SCGB2A2: variants seen among roughly 807,000 people sequenced by gnomAD.
SCGB2A2 encodes mammaglobin-A.
A neutral mutation model predicts 8.8 loss-of-function variants in SCGB2A2; 11 were observed. That is an observed-to-expected ratio of 1.25 (90% CI 0.79 to 2.07). The LOEUF (loss-of-function observed/expected upper bound fraction) is 2.07. Among genes scored for constraint, SCGB2A2 ranks in the 30% most tolerant of loss-of-function variants. The pLI, the probability that SCGB2A2 is intolerant of heterozygous loss-of-function variation, is 0.00. For synonymous variants in SCGB2A2, 42 were observed against 40.9 expected, an observed-to-expected ratio of 1.03 and a Z score of -0.10; for missense variants, 113 against 109.9, an observed-to-expected ratio of 1.03 and a Z score of -0.13.
intron 1 of SCGB2A2, 41 bp downstream of exon 1, chr11:62,270,312 T>C: frequency 6.3e-7 from 1 of 1,591,744 alleles, no homozygotes; most frequent in Admixed American, 1.7e-5. Flanking sequence ...GGTTAGGGGT[T>C]GTCACTTGGG....
At chr11:62,272,918 G>A in intron 2 of SCGB2A2, 39 bp from the exon 3 acceptor site, 1 of 1,473,130 alleles carries the variant, frequency 6.8e-7, no homozygotes, top group East Asian at 2.3e-5. Context: ...GTTAGAGAGT[G>A]CAGAAAATCT....
At position 62,273,026 on chromosome 11, in the gene SCGB2A2, G is replaced by C; in HGVS notation, c.*31G>C. On this transcript the variant is annotated 3_prime_UTR_variant, in exon 3 of 3. Transcript: ENST00000227918. The stretch of plus-strand genomic sequence containing the variant: ...TGCAAGACCTTTGGCTCACAGAACT[G>C]CAGGGTATGGTGAGAAACCAACTAC... 6.3e-7 allele frequency: 1 copy of C among 1,576,616 alleles called. No individual in the cohort carries two copies. Among genetic ancestry groups the C allele is most frequent in the Non-Finnish European group, 8.7e-7 (1 of 1,153,616 alleles).
intron 1 of SCGB2A2, 122 bp downstream of exon 1, chr11:62,270,393 ACAGATCTCAC>A: frequency 1.1e-6 from 1 of 893,538 alleles, no homozygotes; most frequent in Non-Finnish European, 1.8e-6. Flanking sequence ...TGTAGGTATA[ACAGATCTCAC>A]CATGTTGCCC....
Position 62,271,063 on chromosome 11 carries a change from T to C in SCGB2A2, c.238T>C (p.Phe80Leu). Residue 80 changes from phenylalanine to leucine, a missense_variant, in exon 2 of 3, where the codon TTT becomes CTT. By Grantham distance (22) the Phe-to-Leu change is conservative. Transcript: ENST00000227918. ...TDETLSNVEV[F>L]MQLIYDSSLC... ...TGAAACTCTGAGCAATGTTGAGGTGTTTATGGTAATTTCATTTTCTTCCTA... is the reference window on the plus strand; with the variant it reads ...TGAAACTCTGAGCAATGTTGAGGTGCTTATGGTAATTTCATTTTCTTCCTA... The C allele has an allele frequency of 1.2e-6, 2 of 1,614,208 alleles. No homozygotes were observed.
At position 62,272,259 on chromosome 11, in the gene SCGB2A2, A is replaced by G. The variant is rs1945285672; in HGVS notation, c.244-698A>G. Among the ~76,000 whole-genome samples the G allele has an allele frequency of 2.6e-5, 4 of 152,006 alleles. No homozygotes were observed. In the South Asian group the frequency reaches 8.3e-4, roughly 32 times the overall value. On this transcript the variant is annotated intron_variant, in intron 2 of 2. Coordinates refer to ENST00000227918, the MANE Select transcript of SCGB2A2 (RefSeq NM_002411.4). ...GGAGCCAGACTCAGAGACAGTGAAA[A>G]AAAAAAAAACAGTGGTTGTCAGGGC...
chr11:62,273,033 A>G lies in SCGB2A2; in HGVS notation c.*38A>G. The G allele has an allele frequency of 1.3e-6, 2 of 1,542,088 alleles. No individual in the cohort carries two copies. The highest frequency in any genetic ancestry group is 8.9e-7 in the Non-Finnish European group (1 of 1,126,876). ...CCTTTGGCTCACAGAACTGCAGGGT[A>G]TGGTGAGAAACCAACTACGGATTGC... is the stretch of plus-strand genomic sequence containing the variant. On this transcript the variant is annotated 3_prime_UTR_variant, in exon 3 of 3. Coordinates refer to ENST00000227918, the MANE Select transcript of SCGB2A2 (RefSeq NM_002411.4).
chr11:62,270,992 C>T lies in SCGB2A2; in HGVS notation c.167C>T (p.Thr56Ile). The change falls in exon 2 of 3, where the codon ACA (threonine) becomes ATA (isoleucine). Residue 56 changes from threonine (T) to isoleucine (I), a missense_variant. Physicochemically the swap from Thr to Ile is moderately conservative, Grantham distance 89. Transcript: ENST00000227918. ...GAGTTCATAGACGACAATGCCACTA[C>T]AAATGCCATAGATGAATTGAAGGAA... ...LQEFIDDNAT[T>I]NAIDELKECF... is the part of the protein sequence containing the mutation. 1.9e-6 allele frequency: 3 copies of T among 1,614,094 alleles called. No homozygotes were observed. The highest frequency in any genetic ancestry group is 2.5e-6 in the Non-Finnish European group (3 of 1,179,924).
At position 62,270,805 on chromosome 11, in the gene SCGB2A2, T is replaced by C. The variant is rs748062366; in HGVS notation, c.56-76T>C. 7.3e-4 allele frequency: 767 copies of C among 1,049,462 alleles called. 1 individual carries two copies. The highest frequency in any genetic ancestry group is 1.9e-3 in the Middle Eastern group (9 of 4,744). The allele number at this position is 1,049,462 out of a possible 1,614,324, so 65.0% of individuals were successfully genotyped here. A position where few individuals can be genotyped will look rare whatever the true frequency, so the allele number is the denominator to read the frequency against. On this transcript the variant is annotated intron_variant, in intron 1 of 2. Transcript: ENST00000227918. ...TATATTCTCTTGGGCTGTAAGAAGA[T>C]GAGGAATGTAATAGGTCTGCCCCAA...
rs781006410 is a variant in SCGB2A2 at position 62,270,176 on chromosome 11, C to T, written c.-41C>T. The T allele has an allele frequency of 3.1e-6, 5 of 1,609,298 alleles. No homozygotes were observed. Among genetic ancestry groups the T allele is most frequent in the Non-Finnish European group, 4.3e-6 (5 of 1,175,940 alleles). On this transcript the variant is annotated 5_prime_UTR_variant, in exon 1 of 3. Coordinates refer to ENST00000227918, the MANE Select transcript of SCGB2A2 (RefSeq NM_002411.4). ...CACCTCCACAGCGGCTTCCTTGATC[C>T]TTGCCACCCGCGACTGAACACCGAC...
rs372740702 is a variant in SCGB2A2 at position 62,270,201 on chromosome 11, C to T, written c.-16C>T. 2 of 1,613,682 alleles carry T rather than the reference C, an allele frequency of 1.2e-6. No homozygotes were observed. Among genetic ancestry groups the T allele is most frequent in the African/African-American group, 1.3e-5 (1 of 74,928 alleles). On this transcript the variant is annotated 5_prime_UTR_variant, in exon 1 of 3. Coordinates refer to ENST00000227918, the MANE Select transcript of SCGB2A2 (RefSeq NM_002411.4). ...CTTGCCACCCGCGACTGAACACCGA[C>T]AGCAGCAGCCTCACCATGAAGTTGC... is the stretch of plus-strand genomic sequence containing the variant.
Position 62,270,271 on chromosome 11 carries a change from G to A in SCGB2A2, c.55G>A (p.Gly19Ser), listed in dbSNP as rs971717226. 26 of 1,613,864 alleles carry A rather than the reference G, an allele frequency of 1.6e-5. No homozygotes were observed. Among genetic ancestry groups the A allele is most frequent in the Non-Finnish European group, 2.0e-5 (24 of 1,179,902 alleles). The change falls in exon 1 of 3, where the codon GGC becomes AGC. Residue 19 changes from glycine (G) to serine (S), a missense_variant and splice_region_variant. Gly to Ser is a moderately conservative substitution (Grantham distance 56, BLOSUM62 0). Coordinates refer to ENST00000227918, the MANE Select transcript of SCGB2A2 (RefSeq NM_002411.4). ...LAALSQHCYA[G>S]SGCPLLENVI... is the part of the protein sequence containing the mutation. ...GGCCCTCTCCCAGCACTGCTACGCA[G>A]GTGAGTTCTGTGCAGGGAGGGCTGC...
chr11:62,271,626 CA>C (rs746241507), intron 2 of SCGB2A2: 32 of 1,012,292 alleles, frequency 3.2e-5, no homozygotes, highest in Admixed American at 1.0e-4. Flanking sequence ...CACACACATA[CA>C]AACATATGTT....
intron 1 of SCGB2A2, 57 bp from the exon 2 acceptor site, chr11:62,270,824 G>T: frequency 1.5e-6 from 2 of 1,357,120 alleles, no homozygotes; most frequent in Middle Eastern, 1.8e-4. Context: ...TAATAGGTCT[G>T]CCCCAAGCCT....
At position 62,270,932 on chromosome 11, in the gene SCGB2A2, A is replaced by G. The variant is rs1227323790; in HGVS notation, c.107A>G (p.Gln36Arg). 4 of 1,614,164 alleles carry G rather than the reference A, an allele frequency of 2.5e-6. No homozygotes were observed. The highest frequency in any genetic ancestry group is 3.4e-6 in the Non-Finnish European group (4 of 1,180,010). ...GTGATTTCCAAGACAATCAATCCAC[A>G]AGTGTCTAAGACTGAATACAAAGAA... ...ENVISKTINP[Q>R]VSKTEYKELL... Residue 36 changes from glutamine to arginine, a missense_variant, in exon 2 of 3, where the codon CAA becomes CGA. Physicochemically the swap from Gln to Arg is conservative, Grantham distance 43. Coordinates refer to ENST00000227918, the MANE Select transcript of SCGB2A2 (RefSeq NM_002411.4).
At chr11:62,270,367 G>T in intron 1 of SCGB2A2, 96 bp downstream of exon 1, 1 of 1,159,740 alleles carries the variant, frequency 8.6e-7, no homozygotes, top group South Asian at 1.2e-5. Flanking sequence ...GCAGAGATCA[G>T]CCCCAGTACA....
rs201000878 is a variant in SCGB2A2 at position 62,271,034 on chromosome 11, C to T, written c.209C>T (p.Thr70Met). 1.2e-4 allele frequency: 192 copies of T among 1,614,166 alleles called. 1 individual carries two copies. Among genetic ancestry groups the T allele is most frequent in the South Asian group, 1.1e-3 (97 of 91,078 alleles). Residue 70 changes from threonine to methionine, a missense_variant, in exon 2 of 3, where the codon ACG becomes ATG. Coordinates refer to ENST00000227918, the MANE Select transcript of SCGB2A2 (RefSeq NM_002411.4). ...TTGAAGGAATGTTTTCTTAACCAAA[C>T]GGATGAAACTCTGAGCAATGTTGAG... Reference protein sequence around the residue: ...DELKECFLNQTDETLSNVEVF... With the variant: ...DELKECFLNQMDETLSNVEVF...
At chr11:62,272,042 TAAAAAAA>T (rs71053028) in intron 2 of SCGB2A2, 38 of 215,018 alleles carry the variant, frequency 1.8e-4, no homozygotes, top group Middle Eastern at 2.4e-3. Context: ...CCTTCCCTGG[TAAAAAAA>T]AAAAAAAAAA....
chr11:62,273,045 CAACTACGGATTGCTGCA>C lies in SCGB2A2; in HGVS notation c.*54_*70del. On this transcript the variant is annotated 3_prime_UTR_variant, in exon 3 of 3. Coordinates refer to ENST00000227918, the MANE Select transcript of SCGB2A2 (RefSeq NM_002411.4). ...AGAACTGCAGGGTATGGTGAGAAACCAACTACGGATTGCTGCAAACCACACCTTCTCTTTCTTATGTC... is the reference window on the plus strand; with the variant it reads ...AGAACTGCAGGGTATGGTGAGAAACCAACCACACCTTCTCTTTCTTATGTC... 7.2e-7 allele frequency: 1 copy of C among 1,396,770 alleles called. No individual in the cohort carries two copies. Among genetic ancestry groups the C allele is most frequent in the Non-Finnish European group, 1.0e-6 (1 of 1,000,388 alleles). The allele number at this position is 1,396,770 out of a possible 1,614,324, so 86.5% of individuals were successfully genotyped here.
At position 62,271,027 on chromosome 11, in the gene SCGB2A2, A is replaced by C. The variant is rs1434173544; in HGVS notation, c.202A>C (p.Asn68His). Residue 68 changes from asparagine (N) to histidine (H), a missense_variant, in exon 2 of 3, where the codon AAC (asparagine) becomes CAC (histidine). By Grantham distance (68) the Asn-to-His change is moderately conservative (BLOSUM62 1). Coordinates refer to ENST00000227918, the MANE Select transcript of SCGB2A2 (RefSeq NM_002411.4). ...AIDELKECFL[N>H]QTDETLSNVE... The stretch of plus-strand genomic sequence containing the variant: ...AGATGAATTGAAGGAATGTTTTCTT[A>C]ACCAAACGGATGAAACTCTGAGCAA... 2 of 1,614,100 alleles carry C rather than the reference A, an allele frequency of 1.2e-6. No homozygotes were observed. Among genetic ancestry groups the C allele is most frequent in the African/African-American group, 2.7e-5 (2 of 74,940 alleles).
Sources: gnomAD v4.1 joint callset for allele counts (sites outside exome capture counted in the v4.1 genomes callset) on GRCh38, gnomAD v4.1.1 for gene constraint, MANE v1.5 for transcripts, NCBI Gene and HGNC (gene_info 2026-07-23, HGNC 2026-07-21) for gene names.